The following GPC5 variants were observed in gnomAD, a reference collection of about 807,000 sequenced individuals.
The protein encoded by GPC5 is glypican-5.
GPC5 carries 47 observed loss-of-function variants against 53.9 expected under a neutral mutation model. The observed-to-expected ratio is 0.87, with a 90% CI of 0.69 to 1.11. GPC5 has a LOEUF of 1.11. GPC5 is among the 50% of genes most tolerant of loss of function. The probability of loss-of-function intolerance (pLI) is 0.00; values close to 1 mark genes in which losing one functional copy is unlikely to be tolerated. For missense variants in GPC5, 748 were observed against 713.1 expected (o/e 1.05, Z -0.56); for synonymous variants, 286 against 263.3 (o/e 1.09, Z -0.84).
At chr13:91,678,600 G>A (rs920072904) in intron 2 of GPC5, among the ~76,000 whole-genome samples, 2 of 151,932 alleles carry the variant, frequency 1.3e-5, no homozygotes, top group Non-Finnish European at 2.9e-5. Flanking sequence ...CCAAGAAGAG[G>A]GTACAAGTTA....
chr13:92,272,526 C>A (rs931224428), intron 7 of GPC5, among the ~76,000 whole-genome samples: 5 of 152,102 alleles, frequency 3.3e-5, no homozygotes, highest in African/African-American at 4.8e-5. Context: ...GTCAGAGGAC[C>A]GGACAGGTGC....
chr13:92,168,883 A>G (rs1408762949), intron 7 of GPC5, among the ~76,000 whole-genome samples: 1 of 152,206 alleles, frequency 6.6e-6, no homozygotes, highest in African/African-American at 2.4e-5. Flanking sequence ...ACATGCATGC[A>G]TATGTTCATT....
At chr13:91,786,102 T>C (rs1470512915) in intron 5 of GPC5, among the ~76,000 whole-genome samples, 1 of 152,214 alleles carries the variant, frequency 6.6e-6, no homozygotes, top group Admixed American at 6.5e-5. Flanking sequence ...GTTCAAGTGA[T>C]TCTCCTGCCT....
At chr13:91,936,693 G>A (rs1408786742) in intron 6 of GPC5, among the ~76,000 whole-genome samples, 1 of 151,934 alleles carries the variant, frequency 6.6e-6, no homozygotes, top group Non-Finnish European at 1.5e-5. Context: ...TTTGCTCCAG[G>A]ATCTCAAATA....
intron 7 of GPC5, among the ~76,000 whole-genome samples, chr13:92,728,807 T>C (rs532027217): frequency 6.6e-6 from 1 of 151,504 alleles, no homozygotes; most frequent in African/African-American, 2.4e-5. Context: ...GCATTAATAA[T>C]TGGGAAGAAA....
chr13:92,067,092 G>A (rs1393322085), intron 6 of GPC5, among the ~76,000 whole-genome samples: 1 of 152,020 alleles, frequency 6.6e-6, no homozygotes, highest in African/African-American at 2.4e-5. Flanking sequence ...TGAAAATCAT[G>A]AGAACAAAGT....
chr13:92,343,386 G>C (rs551753397), intron 7 of GPC5, among the ~76,000 whole-genome samples: 2 of 152,240 alleles, frequency 1.3e-5, no homozygotes, highest in South Asian at 4.1e-4. Flanking sequence ...TTTTGTAGTT[G>C]TGCTAATATT....
chr13:91,569,479 A>G (rs927841502), intron 2 of GPC5, among the ~76,000 whole-genome samples: 4 of 152,154 alleles, frequency 2.6e-5, no homozygotes, highest in Admixed American at 2.6e-4. Flanking sequence ...AGCGTCGTTA[A>G]CAATTTTAAT....
At chr13:92,206,860 G>A (rs1449064207) in intron 7 of GPC5, among the ~76,000 whole-genome samples, 1 of 152,018 alleles carries the variant, frequency 6.6e-6, no homozygotes, top group Non-Finnish European at 1.5e-5. Flanking sequence ...CTAGACCAAT[G>A]CCTCTCAGGT....
intron 7 of GPC5, among the ~76,000 whole-genome samples, chr13:92,784,754 A>C (rs1876154858): frequency 6.6e-6 from 1 of 152,168 alleles, no homozygotes; most frequent in African/African-American, 2.4e-5. Context: ...AAACTAAAAA[A>C]TCATTACCCA....
chr13:92,859,440 T>C (rs967256235), intron 7 of GPC5, among the ~76,000 whole-genome samples: 1 of 152,116 alleles, frequency 6.6e-6, no homozygotes, highest in Non-Finnish European at 1.5e-5. Flanking sequence ...TAGATATGCA[T>C]TTTTAAATTA....
chr13:91,464,035 G>C (rs975688805), intron 2 of GPC5, among the ~76,000 whole-genome samples: 3 of 151,870 alleles, frequency 2.0e-5, no homozygotes, highest in African/African-American at 7.3e-5. Context: ...AAATTCAACA[G>C]TTAAAAAAAC....
At chr13:92,113,306 A>G (rs1178718144) in intron 6 of GPC5, among the ~76,000 whole-genome samples, 1 of 152,034 alleles carries the variant, frequency 6.6e-6, no homozygotes, top group Non-Finnish European at 1.5e-5. Context: ...TCAAATTTTA[A>G]CTCTTGTTTT....
chr13:91,869,867 CACTTAAACA>C (rs1313250473), intron 5 of GPC5, among the ~76,000 whole-genome samples: 3 of 152,080 alleles, frequency 2.0e-5, no homozygotes, highest in Non-Finnish European at 4.4e-5. Flanking sequence ...AAGTGCTACA[CACTTAAACA>C]ACCAGATTTC....
chr13:92,081,504 G>T (rs1409082877), intron 6 of GPC5, among the ~76,000 whole-genome samples: 1 of 151,892 alleles, frequency 6.6e-6, no homozygotes, highest in Non-Finnish European at 1.5e-5. Context: ...AGGAAGATCA[G>T]ATTTTTTTTT....
intron 7 of GPC5, among the ~76,000 whole-genome samples, chr13:92,435,461 T>A (rs1877265509): frequency 6.6e-6 from 1 of 152,206 alleles, no homozygotes; most frequent in East Asian, 1.9e-4. Flanking sequence ...AACAGAAACT[T>A]TTGTTAGAGA....
chr13:92,305,829 T>C (rs2043106959), intron 7 of GPC5, among the ~76,000 whole-genome samples: 1 of 152,200 alleles, frequency 6.6e-6, no homozygotes, highest in African/African-American at 2.4e-5. Context: ...CATATACATA[T>C]ATTGCTTTGC....
intron 2 of GPC5, among the ~76,000 whole-genome samples, chr13:91,619,928 A>G (rs2033806921): frequency 6.6e-6 from 1 of 152,156 alleles, no homozygotes; most frequent in African/African-American, 2.4e-5. Context: ...TGATTCATAC[A>G]TGGCCATCAA....
intron 7 of GPC5, among the ~76,000 whole-genome samples, chr13:92,530,097 A>G (rs539074975): frequency 6.6e-6 from 1 of 152,186 alleles, no homozygotes; most frequent in African/African-American, 2.4e-5. Flanking sequence ...CAAAAAACCC[A>G]GAACAAAACA....
Sources: allele counts gnomAD v4.1 joint callset (sites outside exome capture counted in the v4.1 genomes callset), GRCh38; gene constraint gnomAD v4.1.1; transcripts MANE v1.5; gene names NCBI Gene and HGNC (gene_info 2026-07-23, HGNC 2026-07-21).